GPR84: variants seen among roughly 807,000 people sequenced by gnomAD.
The protein encoded by GPR84 is G protein-coupled receptor 84.
Under a neutral mutation model 14.9 loss-of-function variants are expected in GPR84, and 8 were observed. That is an observed-to-expected ratio of 0.54 (90% CI 0.31 to 0.97). The LOEUF is 0.97. Ranked by LOEUF, GPR84 falls within the 50% of genes least tolerant of loss-of-function variation. The probability of loss-of-function intolerance (pLI) is 0.04; values close to 1 mark genes in which losing one functional copy is unlikely to be tolerated. For synonymous variants in GPR84, 164 were observed against 198.1 expected, an observed-to-expected ratio of 0.83 and a Z score of 1.45; for missense variants, 424 against 498.7, an observed-to-expected ratio of 0.85 and a Z score of 1.43.
At chr12:54,351,521 T>C in the GPR84 span, 1 of 152,206 alleles carries the variant, frequency 6.6e-6, no homozygotes, top group Non-Finnish European at 1.5e-5. Flanking sequence ...GCTCTCCCTG[T>C]CTCTAGGTCG....
chr12:54,363,647 AG>A lies in GPR84; in HGVS notation c.204del (p.Tyr69ThrfsTer41). ...GAGAAGGGCTGAAGGAGCGTGCAGTAGAGGAGATCAGCCAGTGTGAGGTTGG... is the reference window on the plus strand; with the variant it reads ...GAGAAGGGCTGAAGGAGCGTGCAGTAAGGAGATCAGCCAGTGTGAGGTTGG... ...LIANLTLADL[L>X]YCTLLQPFSV... On this transcript the variant is annotated frameshift_variant, in exon 2 of 2. Transcript: ENST00000267015. LOFTEE classifies it high-confidence loss of function. The A allele has an allele frequency of 6.2e-7, 1 of 1,614,022 alleles. No homozygotes were observed. Among genetic ancestry groups the A allele is most frequent in the Non-Finnish European group, 8.5e-7 (1 of 1,179,928 alleles).
intron 1 of GPR84, 81 bp from the exon 2 acceptor site, chr12:54,363,940 C>G (rs1954301662): frequency 2.2e-6 from 2 of 901,352 alleles, no homozygotes; most frequent in Admixed American, 2.8e-5. Flanking sequence ...TTCTGGGACC[C>G]TGGACATCTA....
chr12:54,361,132 G>T (rs1249278476), downstream of GPR84, among the ~76,000 whole-genome samples: 1 of 152,074 alleles, frequency 6.6e-6, no homozygotes, highest in Non-Finnish European at 1.5e-5. This position sits in a 1 kb window ranked among gnomAD's most constrained non-coding sequence, Gnocchi z 4.3. Flanking sequence ...TCCTAGCCTG[G>T]CCCCTGAGCC....
At chr12:54,359,642 GACTC>G (rs1197558303), downstream of GPR84, among the ~76,000 whole-genome samples, 13 of 152,218 alleles carry the variant, frequency 8.5e-5, no homozygotes, top group Non-Finnish European at 5.9e-5. Flanking sequence ...GACAGACAGT[GACTC>G]ACACTCGTGA....
the GPR84 span, among the ~76,000 whole-genome samples, chr12:54,354,889 G>A: frequency 2.3e-3 from 357 of 152,112 alleles, 1 homozygote; most frequent in East Asian, 0.038. Flanking sequence ...CACTAAAGCA[G>A]GGACTCATTC....
chr12:54,356,483 G>A, the GPR84 span, among the ~76,000 whole-genome samples: 1 of 152,244 alleles, frequency 6.6e-6, no homozygotes, highest in East Asian at 1.9e-4. Flanking sequence ...TCTTTCAGTG[G>A]ACAGCTCCCG....
chr12:54,357,893 C>T (rs962103942), downstream of GPR84, among the ~76,000 whole-genome samples: 1 of 152,168 alleles, frequency 6.6e-6, no homozygotes, highest in Non-Finnish European at 1.5e-5. Flanking sequence ...TTGGAAAGTT[C>T]CTCCCCTATC....
rs761953849 is a variant in GPR84 at position 54,362,736 on chromosome 12, G to A, written c.1116C>T (p.Ala372=). The A allele has an allele frequency of 5.6e-6, 9 of 1,614,044 alleles. No individual in the cohort carries two copies. The South Asian group carries it at 8.8e-5, about 16-fold the overall frequency. The change falls in exon 2 of 2, where the codon GCC becomes GCT. Residue 372 remains alanine, a synonymous_variant. Coordinates refer to ENST00000267015, the MANE Select transcript of GPR84 (RefSeq NM_020370.3). The surrounding 1 kb of genome is among the most constrained non-coding windows in gnomAD (Gnocchi z 4.0). Reference sequence around the variant, plus strand: ...ATGCTTGGCGGAATTGGCGGTTCATGGCTGCATAGAGCACAGGGTTGATGC... The same window carrying A: ...ATGCTTGGCGGAATTGGCGGTTCATAGCTGCATAGAGCACAGGGTTGATGC... ...NGCINPVLYA[A]MNRQFRQAYG...
At chr12:54,362,100 C>G (rs973594232), downstream of GPR84, among the ~76,000 whole-genome samples, 5 of 152,196 alleles carry the variant, frequency 3.3e-5, no homozygotes, top group African/African-American at 1.2e-4. The surrounding 1 kb of genome is among the most constrained non-coding windows in gnomAD (Gnocchi z 4.0). Context: ...CGGATCCTGG[C>G]AGCAGTGGTT....
downstream of GPR84, among the ~76,000 whole-genome samples, chr12:54,361,811 T>A (rs1954271978): frequency 6.6e-6 from 1 of 152,230 alleles, no homozygotes; most frequent in South Asian, 2.1e-4. The surrounding 1 kb of genome is among the most constrained non-coding windows in gnomAD (Gnocchi z 4.3). Flanking sequence ...CCAGGCCTGT[T>A]CTCTTGCTTT....
At chr12:54,356,160 C>G in the GPR84 span, among the ~76,000 whole-genome samples, 1 of 152,078 alleles carries the variant, frequency 6.6e-6, no homozygotes, top group Non-Finnish European at 1.5e-5. Context: ...AGGGACTTCT[C>G]AAGAACAGGC....
At chr12:54,352,653 G>A in the GPR84 span, among the ~76,000 whole-genome samples, 1 of 152,160 alleles carries the variant, frequency 6.6e-6, no homozygotes, top group Non-Finnish European at 1.5e-5. Flanking sequence ...GGGAAAGGAT[G>A]GGGGAAGGAA....
At chr12:54,361,545 A>G (rs1442565396), downstream of GPR84, among the ~76,000 whole-genome samples, 2 of 151,676 alleles carry the variant, frequency 1.3e-5, no homozygotes, top group Non-Finnish European at 2.9e-5. The surrounding 1 kb of genome is among the most constrained non-coding windows in gnomAD (Gnocchi z 4.3). Context: ...TAATTTTTCT[A>G]TTTTTAGTAG....
At chr12:54,361,631 A>G (rs1954270007), downstream of GPR84, among the ~76,000 whole-genome samples, 1 of 151,898 alleles carries the variant, frequency 6.6e-6, no homozygotes, top group South Asian at 2.1e-4. This position sits in a 1 kb window ranked among gnomAD's most constrained non-coding sequence, Gnocchi z 4.3. Context: ...TCTGCCTCCC[A>G]CAGTGCTGGG....
the GPR84 span, among the ~76,000 whole-genome samples, chr12:54,356,911 T>C: frequency 6.6e-6 from 1 of 152,112 alleles, no homozygotes; most frequent in African/African-American, 2.4e-5. Flanking sequence ...GACAAAAGAA[T>C]TGGGTGGAGG....
the GPR84 span, chr12:54,351,155 T>C: frequency 1.9e-5 from 3 of 154,460 alleles, no homozygotes; most frequent in Non-Finnish European, 2.9e-5. Flanking sequence ...GAACAGGGCA[T>C]ATAAAATGCA....
In GPR84 at chr12:54,363,177, G is replaced by A; in HGVS notation, c.675C>T (p.Asn225=). The change falls in exon 2 of 2, where the codon AAC becomes AAT. Residue 225 remains asparagine, a synonymous_variant. Coordinates refer to ENST00000267015, the MANE Select transcript of GPR84 (RefSeq NM_020370.3). The part of the protein sequence containing the change: ...YKLRQASIHS[N]HVARTDEAMP... ...TGGCCTCATCAGTCCTGGCCACATG[G>A]TTGGAGTGGATGCTTGCCTGTCGCA... The A allele has an allele frequency of 6.2e-7, 1 of 1,614,240 alleles. No homozygotes were observed. Among genetic ancestry groups the A allele is most frequent in the Non-Finnish European group, 8.5e-7 (1 of 1,180,048 alleles).
rs950507840 is a variant in GPR84, at chr12:54,362,557, G to A, written c.*104C>T. ...TGATTTGGGAGGCTGGGGAGAGATT[G>A]TTGTGAAAATGCCCACATGTGTTAT... On this transcript the variant is annotated 3_prime_UTR_variant, in exon 2 of 2. Transcript: ENST00000267015. This position sits in a 1 kb window ranked among gnomAD's most constrained non-coding sequence, Gnocchi z 4.0. 1 of 729,780 alleles carries A rather than the reference G, an allele frequency of 1.4e-6. No homozygotes were observed. Among genetic ancestry groups the A allele is most frequent in the Non-Finnish European group, 2.4e-6 (1 of 419,340 alleles). 45.2% of individuals were successfully genotyped at this position (729,780 alleles called of 1,614,324 possible).
chr12:54,356,342 T>C, the GPR84 span, among the ~76,000 whole-genome samples: 305 of 152,226 alleles, frequency 2.0e-3, no homozygotes, highest in African/African-American at 7.2e-3. Context: ...TCCTGAGAGG[T>C]ACAAGGAGCA....
Sources: gnomAD v4.1 joint callset for allele counts (sites outside exome capture counted in the v4.1 genomes callset) on GRCh38, gnomAD v4.1.1 for gene constraint, Gnocchi (gnomAD v3.1) non-coding constraint, MANE v1.5 for transcripts, NCBI Gene and HGNC (gene_info 2026-07-23, HGNC 2026-07-21) for gene names.